The following AGL variants were observed in gnomAD, a reference collection of about 807,000 sequenced individuals.
AGL encodes amylo-alpha-1,6-glucosidase and 4-alpha-glucanotransferase, also known as glycogen debranching enzyme.
AGL carries 128 observed loss-of-function variants against 199.3 expected under a neutral mutation model. The ratio of observed to expected loss-of-function variants is 0.64; its 90% CI spans 0.56 to 0.74. The LOEUF (loss-of-function observed/expected upper bound fraction) is 0.74. AGL is among the 30% of genes least tolerant of loss of function. The pLI, the probability that AGL is intolerant of heterozygous loss-of-function variation, is 0.00. For synonymous variants in AGL, 584 were observed against 594.7 expected (o/e 0.98, Z 0.26); for missense variants, 1,809 against 1,820.8 (o/e 0.99, Z 0.12).
At chr1:99,854,216 T>G (rs993934467) in intron 2 of AGL, among the ~76,000 whole-genome samples, 25 of 151,854 alleles carry the variant, frequency 1.6e-4, no homozygotes, top group African/African-American at 5.8e-4. Flanking sequence ...AAAAATAAAA[T>G]AAAATCTGTG....
At chr1:99,915,773 AAC>A (rs951988452) in intron 31 of AGL, among the ~76,000 whole-genome samples, 15 of 150,692 alleles carry the variant, frequency 1.0e-4, no homozygotes, top group East Asian at 1.9e-4. Context: ...ACTGTATTAA[AAC>A]ACACACACAC....
At chr1:99,916,554 T>A in intron 32 of AGL, 44 bp from the exon 33 acceptor site, 2 of 1,607,502 alleles carry the variant, frequency 1.2e-6, no homozygotes, top group Non-Finnish European at 1.7e-6. Context: ...AAGTAATTTT[T>A]AGGTATTTAT....
chr1:99,864,268 A>C, intron 4 of AGL, 118 bp from the exon 5 acceptor site: 5 of 889,858 alleles, frequency 5.6e-6, no homozygotes, highest in Non-Finnish European at 9.0e-6. Context: ...CTTTTCCAGT[A>C]GCATGCTTGC....
intron 7 of AGL, among the ~76,000 whole-genome samples, chr1:99,871,875 C>T (rs951953203): frequency 2.6e-5 from 4 of 151,962 alleles, no homozygotes; most frequent in African/African-American, 9.7e-5. Context: ...TCTTCTTTCC[C>T]AAAACCCACA....
chr1:99,874,691 T>C lies in AGL; in HGVS notation c.963T>C (p.Asn321=), dbSNP rs1410714302. Residue 321 remains asparagine (N), a synonymous_variant, in exon 8 of 34, where the codon AAT becomes AAC. Transcript: ENST00000361915. ...EQFRRLLTQE[N]RRVTKSDPNQ... Reference sequence around the variant, plus strand: ...ATCGTCTTTTCTTTCTTTTAGAAAATAGGCGAGTAACCAAGTCTGATCCAA... The same window carrying C: ...ATCGTCTTTTCTTTCTTTTAGAAAACAGGCGAGTAACCAAGTCTGATCCAA... 9 of 1,610,966 alleles carry C rather than the reference T, an allele frequency of 5.6e-6. No individual in the cohort carries two copies. The highest frequency in any genetic ancestry group is 7.6e-6 in the Non-Finnish European group (9 of 1,177,426).
rs554249771 is a variant in AGL, at chr1:99,904,669, A to G, written c.3700+1875A>G. On this transcript the variant is annotated intron_variant, in intron 27 of 33. Coordinates refer to ENST00000361915, the MANE Select transcript of AGL (RefSeq NM_000642.3). The stretch of plus-strand genomic sequence containing the variant: ...AGCTACTAATCTGTTCTGCAACTCT[A>G]TAGTTTTGTCATTTTGAGAATGTTA... Among the ~76,000 whole-genome samples, 305 of 152,204 alleles carry G rather than the reference A, an allele frequency of 2.0e-3. 2 individuals are homozygous for G. The highest frequency in any genetic ancestry group is 4.1e-3 in the South Asian group (20 of 4,820).
intron 2 of AGL, among the ~76,000 whole-genome samples, chr1:99,857,842 GGGGGA>G (rs1649678941): frequency 2.3e-5 from 3 of 132,838 alleles, no homozygotes; most frequent in East Asian, 2.4e-4. Flanking sequence ...GGGAGGGGGA[GGGGGA>G]GGGGGGAAGA....
chr1:99,867,737 G>T (rs774593633), intron 5 of AGL, among the ~76,000 whole-genome samples: 6 of 151,790 alleles, frequency 4.0e-5, no homozygotes, highest in Non-Finnish European at 8.8e-5. Context: ...TATATTTTTA[G>T]TAGAGTTGGA....
intron 10 of AGL, 128 bp from the exon 11 acceptor site, chr1:99,876,329 TC>T: frequency 2.7e-6 from 2 of 738,076 alleles, no homozygotes; most frequent in Non-Finnish European, 4.3e-6. Flanking sequence ...GAAGTTTTTT[TC>T]CTATAAATAG....
At chr1:99,901,314 G>A (rs1321921984) in intron 26 of AGL, among the ~76,000 whole-genome samples, 1 of 150,160 alleles carries the variant, frequency 6.7e-6, no homozygotes, top group Non-Finnish European at 1.5e-5. Flanking sequence ...AGGAGGCTGA[G>A]GCAGAAGGAT....
chr1:99,859,966 A>G (rs6685484), intron 2 of AGL, among the ~76,000 whole-genome samples: 1 of 152,240 alleles, frequency 6.6e-6, no homozygotes, highest in Admixed American at 6.5e-5. Context: ...TTTCATTTCA[A>G]TAAATGAGGC....
chr1:99,868,585 C>G (rs1179909639), intron 5 of AGL, among the ~76,000 whole-genome samples: 3 of 152,062 alleles, frequency 2.0e-5, no homozygotes, highest in Non-Finnish European at 4.4e-5. Context: ...GTACTCCAGC[C>G]TGGGTGACAA....
At chr1:99,918,702 A>G (rs2100886798) in intron 33 of AGL, among the ~76,000 whole-genome samples, 1 of 152,184 alleles carries the variant, frequency 6.6e-6, no homozygotes, top group African/African-American at 2.4e-5. Flanking sequence ...GTTTCTGTAA[A>G]TGTTTTTGAG....
rs376666809 is a variant in AGL at position 99,881,112 on chromosome 1, A to T, written c.1936A>T (p.Ile646Phe). 9 of 1,613,950 alleles carry T rather than the reference A, an allele frequency of 5.6e-6. No homozygotes were observed. The change falls in exon 15 of 34, where the codon ATT (isoleucine) becomes TTT (phenylalanine). Residue 646 changes from isoleucine to phenylalanine, a missense_variant. Physicochemically the swap from Ile to Phe is conservative, Grantham distance 21. Coordinates refer to ENST00000361915, the MANE Select transcript of AGL (RefSeq NM_000642.3). ...GTATGATGCTCTTCCAAGTACTACAATTGTTTCTATGGCATGTTGTGCTAG... is the reference window on the plus strand; with the variant it reads ...GTATGATGCTCTTCCAAGTACTACATTTGTTTCTATGGCATGTTGTGCTAG... Reference protein sequence around the residue: ...SAYDALPSTTIVSMACCASGS... With the variant: ...SAYDALPSTTFVSMACCASGS...
chr1:99,853,273 T>C (rs1649130551), intron 2 of AGL, among the ~76,000 whole-genome samples: 1 of 152,224 alleles, frequency 6.6e-6, no homozygotes, highest in Non-Finnish European at 1.5e-5. Flanking sequence ...TCTCCATCAT[T>C]AATGTCATAG....
At chr1:99,902,968 A>G (rs564210189) in intron 27 of AGL, among the ~76,000 whole-genome samples, 174 bp downstream of exon 27, 1 of 152,210 alleles carries the variant, frequency 6.6e-6, no homozygotes, top group African/African-American at 2.4e-5. Flanking sequence ...ATAAAATTTT[A>G]TATCTTTTGT....
Position 99,870,519 on chromosome 1 carries a change from G to A in AGL, c.784G>A (p.Ala262Thr). ...RALWRFSCDV[A>T]EGKYKEKGIP... Reference sequence around the variant, plus strand: ...ACTTTGGCGTTTCTCCTGTGATGTTGCAGAAGGGAAATACAAAGAAAAGGG... The same window carrying A: ...ACTTTGGCGTTTCTCCTGTGATGTTACAGAAGGGAAATACAAAGAAAAGGG... Residue 262 changes from alanine to threonine, a missense_variant, in exon 6 of 34, where the codon GCA (alanine) becomes ACA (threonine). By Grantham distance (58) the Ala-to-Thr change is moderately conservative. Transcript: ENST00000361915. 6.2e-7 allele frequency: 1 copy of A among 1,614,014 alleles called. No homozygotes were observed. The highest frequency in any genetic ancestry group is 8.5e-7 in the Non-Finnish European group (1 of 1,179,980).
intron 30 of AGL, 152 bp downstream of exon 30, chr1:99,913,890 G>C: frequency 1.3e-6 from 1 of 767,220 alleles, no homozygotes; most frequent in Non-Finnish European, 2.2e-6. Flanking sequence ...AATTAATCAA[G>C]TATTATGCGT....
intron 33 of AGL, among the ~76,000 whole-genome samples, chr1:99,918,846 A>G (rs7519706): frequency 0.39 from 59,963 of 152,000 alleles, 12,539 homozygotes; most frequent in East Asian, 0.56. Flanking sequence ...ATCAAGACCC[A>G]TCTGTGTTCC....
Sources: allele counts gnomAD v4.1 joint callset (sites outside exome capture counted in the v4.1 genomes callset), GRCh38; gene constraint gnomAD v4.1.1; transcripts MANE v1.5; gene names NCBI Gene and HGNC (gene_info 2026-07-23, HGNC 2026-07-21).